SNX8: variants seen among roughly 807,000 people sequenced by gnomAD.
SNX8 encodes the protein sorting nexin 8.
Under a neutral mutation model 51.6 loss-of-function variants are expected in SNX8, and 25 were observed. The observed-to-expected ratio is 0.48, with a 90% CI of 0.35 to 0.68. The LOEUF is 0.68. SNX8 is among the 30% of genes least tolerant of loss of function. SNX8 has a pLI of 0.00. For missense variants in SNX8, 695 were observed against 624.0 expected (o/e 1.11, Z -1.21); for synonymous variants, 324 against 277.0 (o/e 1.17, Z -1.68).
At chr7:2,258,066 A>G (rs1218896735) in intron 7 of SNX8, among the ~76,000 whole-genome samples, 2 of 144,418 alleles carry the variant, frequency 1.4e-5, no homozygotes, top group African/African-American at 5.3e-5. Context: ...GCTGGAATGC[A>G]GTGGCACGAT....
intron 1 of SNX8, among the ~76,000 whole-genome samples, chr7:2,322,112 T>C (rs1778532256): frequency 6.6e-6 from 1 of 152,226 alleles, no homozygotes; most frequent in Non-Finnish European, 1.5e-5. Flanking sequence ...TCACATGTAG[T>C]GCTTTTCATT....
At chr7:2,314,764 C>G (rs1194992732), upstream of SNX8, among the ~76,000 whole-genome samples, 2 of 152,230 alleles carry the variant, frequency 1.3e-5, no homozygotes, top group Non-Finnish European at 2.9e-5. Flanking sequence ...TCTCCTCGCC[C>G]AGTCACGCCC....
chr7:2,300,444 C>G lies in SNX8; in HGVS notation c.94+13884G>C, dbSNP rs1442012403. ...TTTTTTTTGGAGACAGAGTCTTGAT[C>G]TGTTGTCACCTAGGCTGGAGTGCAG... On this transcript the variant is annotated intron_variant, in intron 1 of 10. Coordinates refer to ENST00000222990, the MANE Select transcript of SNX8 (RefSeq NM_013321.4). Among the ~76,000 whole-genome samples, 5 of 152,220 alleles carry G rather than the reference C, an allele frequency of 3.3e-5. No individual in the cohort carries two copies. The East Asian group carries it at 9.6e-4, about 29-fold the overall frequency.
intron 1 of SNX8, among the ~76,000 whole-genome samples, chr7:2,304,070 G>A (rs1431131522): frequency 3.3e-5 from 5 of 150,850 alleles, no homozygotes; most frequent in African/African-American, 9.7e-5. Context: ...GGGAGGCTGA[G>A]GCAGGAGAAT....
Position 2,353,310 on chromosome 7 carries a change from G to A in SNX8, c.-66+912C>T, listed in dbSNP as rs1460375431. 2.0e-5 allele frequency among the ~76,000 whole-genome samples: 3 copies of A among 152,062 alleles called. No homozygotes were observed. In the East Asian group the frequency reaches 5.8e-4, roughly 29 times the overall value. ...GAGGTGGGAGGATTCTCTTGAGGCT[G>A]GAAGGTCCCGATTGCAGCGGCGCTG... On this transcript the variant is annotated intron_variant, in intron 1 of 5. Transcript: ENST00000435336.
intron 1 of SNX8, among the ~76,000 whole-genome samples, chr7:2,297,767 C>G (rs1055466391): frequency 6.6e-6 from 1 of 151,652 alleles, no homozygotes; most frequent in African/African-American, 2.4e-5. Context: ...AGGCCATTAT[C>G]CTAAGTGAAG....
intron 3 of SNX8, chr7:2,274,819 T>G (rs915804747): frequency 2.5e-5 from 9 of 366,426 alleles, no homozygotes. Context: ...CACTGCACTC[T>G]GGAGAGGAGA....
At chr7:2,354,153 T>TC (rs1779252576) in intron 1 of SNX8, 1 of 152,230 alleles carries the variant, frequency 6.6e-6, no homozygotes, top group Admixed American at 6.5e-5. Flanking sequence ...AAAGCCCGAA[T>TC]GGGGGGAAAC....
chr7:2,281,354 G>A (rs1056924104), intron 1 of SNX8, among the ~76,000 whole-genome samples: 6 of 151,924 alleles, frequency 3.9e-5, no homozygotes, highest in African/African-American at 1.5e-4. Flanking sequence ...AAGAGTTCAC[G>A]GCTGCGGTAT....
intron 3 of SNX8, among the ~76,000 whole-genome samples, chr7:2,273,730 C>G (rs1795705140): frequency 6.7e-6 from 1 of 150,196 alleles, no homozygotes; most frequent in Non-Finnish European, 1.5e-5. Context: ...GGTGAAACCC[C>G]GTCTCTACTA....
chr7:2,298,362 G>C (rs1032910718), intron 1 of SNX8, among the ~76,000 whole-genome samples: 2 of 151,942 alleles, frequency 1.3e-5, no homozygotes, highest in African/African-American at 4.8e-5. Flanking sequence ...TTTATTTTTG[G>C]TTTGGGTTGT....
chr7:2,271,306 C>T (rs886610791), intron 4 of SNX8, among the ~76,000 whole-genome samples: 8 of 152,242 alleles, frequency 5.3e-5, no homozygotes, highest in African/African-American at 1.4e-4. Flanking sequence ...CCTCTCCGAG[C>T]GCTGGGATTA....
intron 10 of SNX8, among the ~76,000 whole-genome samples, chr7:2,255,961 ACAG>A (rs1308086198): frequency 6.6e-6 from 1 of 152,226 alleles, no homozygotes; most frequent in Non-Finnish European, 1.5e-5. Flanking sequence ...TCACTGGACC[ACAG>A]CGCACACAGC....
At chr7:2,345,491 C>G (rs1026069335) in intron 1 of SNX8, among the ~76,000 whole-genome samples, 1 of 151,824 alleles carries the variant, frequency 6.6e-6, no homozygotes, top group Non-Finnish European at 1.5e-5. Flanking sequence ...CAGCCTGGCC[C>G]ATGTGGAAAA....
chr7:2,261,934 C>T (rs372979174), intron 7 of SNX8, among the ~76,000 whole-genome samples: 8 of 152,234 alleles, frequency 5.3e-5, no homozygotes, highest in South Asian at 2.1e-4. Flanking sequence ...ACAGCCCTCA[C>T]GGGCACACTC....
chr7:2,337,462 A>ACAAAG (rs1778852162), intron 1 of SNX8, among the ~76,000 whole-genome samples: 2 of 151,654 alleles, frequency 1.3e-5, no homozygotes, highest in African/African-American at 4.8e-5. Flanking sequence ...ACAAAACAAA[A>ACAAAG]GTCTGTGCAT....
At position 2,263,137 on chromosome 7, in the gene SNX8, G is replaced by A. The variant is rs113066735; in HGVS notation, c.915+93C>T. 2,793 of 1,435,408 alleles carry A rather than the reference G, an allele frequency of 1.9e-3. 40 individuals are homozygous for A. The African/African-American group carries it at 0.031, about 16-fold the overall frequency. 88.9% of individuals were successfully genotyped at this position (1,435,408 alleles called of 1,614,324 possible). A position where few individuals can be genotyped will look rare whatever the true frequency, so the allele number is the denominator to read the frequency against. The stretch of plus-strand genomic sequence containing the variant: ...CTTCTCAAAACAACAAAACAAAAAC[G>A]AACTGTGACGCCCATCTAAGCAGGA... On this transcript the variant is annotated intron_variant, in intron 7 of 10. Coordinates refer to ENST00000222990, the MANE Select transcript of SNX8 (RefSeq NM_013321.4).
chr7:2,277,256 C>T (rs987809138), intron 2 of SNX8, among the ~76,000 whole-genome samples: 10 of 152,206 alleles, frequency 6.6e-5, no homozygotes, highest in Non-Finnish European at 1.3e-4. Flanking sequence ...TTGCTCCAGA[C>T]GGGCATCAGG....
At chr7:2,348,502 G>A (rs979926152) in intron 1 of SNX8, among the ~76,000 whole-genome samples, 26 of 151,812 alleles carry the variant, frequency 1.7e-4, no homozygotes, top group East Asian at 2.0e-4. Context: ...CACCAGGCCC[G>A]GCTAATTTTT....
Sources: gnomAD v4.1 joint callset for allele counts (sites outside exome capture counted in the v4.1 genomes callset) on GRCh38, gnomAD v4.1.1 for gene constraint, MANE v1.5 for transcripts, NCBI Gene and HGNC (gene_info 2026-07-23, HGNC 2026-07-21) for gene names.